Variants in CNTN5 observed in about 807,000 individuals in gnomAD.
CNTN5 encodes contactin-5.
A neutral mutation model predicts 129.1 loss-of-function variants in CNTN5; 77 were observed. The observed-to-expected ratio is 0.60, with a 90% CI of 0.50 to 0.72. The LOEUF (loss-of-function observed/expected upper bound fraction) is 0.72, where lower values mean the gene tolerates loss of function less well. Among genes scored for constraint, CNTN5 ranks in the 30% least tolerant of loss-of-function variants. The pLI is 0.00. For missense variants in CNTN5, 1,478 were observed against 1,328.8 expected, an observed-to-expected ratio of 1.11 and a Z score of -1.75; for synonymous variants, 509 against 465.6, an observed-to-expected ratio of 1.09 and a Z score of -1.20.
chr11:99,140,395 T>C (rs1859452172), intron 1 of CNTN5, among the ~76,000 whole-genome samples: 1 of 152,138 alleles, frequency 6.6e-6, no homozygotes, highest in African/African-American at 2.4e-5. Flanking sequence ...TGTGGTTCTC[T>C]AGGTACAGAA....
chr11:99,737,561 T>C (rs1385312828), intron 3 of CNTN5, among the ~76,000 whole-genome samples: 1 of 152,186 alleles, frequency 6.6e-6, no homozygotes, highest in Non-Finnish European at 1.5e-5. Context: ...AGTTTATTAG[T>C]TCTGAAACAT....
intron 2 of CNTN5, among the ~76,000 whole-genome samples, chr11:99,363,496 G>T (rs982669201): frequency 5.9e-5 from 9 of 152,086 alleles, no homozygotes; most frequent in Non-Finnish European, 1.3e-4. Context: ...GGGTCTGTGA[G>T]ATTTTCAAGC....
chr11:99,642,041 C>T (rs1392978339), intron 3 of CNTN5, among the ~76,000 whole-genome samples: 2 of 152,146 alleles, frequency 1.3e-5, no homozygotes, highest in Admixed American at 6.5e-5. Context: ...CACATTAGAT[C>T]TTCAAGCATC....
chr11:100,120,922 AT>A lies in CNTN5; in HGVS notation c.1580+46636del, dbSNP rs537268424. Among the ~76,000 whole-genome samples, 417 of 151,868 alleles carry A rather than the reference AT, an allele frequency of 2.7e-3. 4 individuals carry two copies. The highest frequency in any genetic ancestry group is 9.7e-3 in the African/African-American group (404 of 41,444). Reference sequence around the variant, plus strand: ...GTAATTCGATAGACTATCATTCAGCATTTTTTTTCAACAAACATTTTATTTT... The same window carrying A: ...GTAATTCGATAGACTATCATTCAGCATTTTTTTCAACAAACATTTTATTTT... On this transcript the variant is annotated intron_variant, in intron 13 of 24. Coordinates refer to ENST00000524871, the MANE Select transcript of CNTN5 (RefSeq NM_014361.4).
At chr11:99,511,236 T>C (rs1946824350) in intron 2 of CNTN5, among the ~76,000 whole-genome samples, 1 of 152,172 alleles carries the variant, frequency 6.6e-6, no homozygotes, top group Non-Finnish European at 1.5e-5. Context: ...GATTCTGGTA[T>C]GTGGTGTCTT....
intron 3 of CNTN5, among the ~76,000 whole-genome samples, chr11:99,683,881 C>T (rs920607962): frequency 2.9e-5 from 4 of 139,674 alleles, no homozygotes; most frequent in African/African-American, 9.9e-5. Flanking sequence ...CATGTTTATA[C>T]ACACACTGTG....
rs564944934 is a variant in CNTN5, at chr11:99,616,605, C to T, written c.55+60336C>T. 2.3e-5 allele frequency among the ~76,000 whole-genome samples: 3 copies of T among 131,736 alleles called. No individual in the cohort carries two copies. In the East Asian group the frequency reaches 7.2e-4, roughly 32 times the overall value. The allele number at this position is 131,736 out of a possible 152,430, so 86.4% of individuals were successfully genotyped here. ...ATGTGGATAATAGGCTATTATATAG[C>T]AGTTTATATAGCAGTATAAGAGTTA... On this transcript the variant is annotated intron_variant, in intron 3 of 24. Coordinates refer to ENST00000524871, the MANE Select transcript of CNTN5 (RefSeq NM_014361.4).
intron 3 of CNTN5, among the ~76,000 whole-genome samples, chr11:99,718,791 T>TACC (rs1168236309): frequency 6.6e-6 from 1 of 152,080 alleles, no homozygotes; most frequent in Non-Finnish European, 1.5e-5. Context: ...AACTCTAAAA[T>TACC]ACCACAGCTA....
In CNTN5 at chr11:99,801,239, A is replaced by C. The variant is rs1316935171; in HGVS notation, c.56-18305A>C. ...TTCTTAGTTACAATTTTTATTCTTT[A>C]AGAATGCTGAAAATAGGCCTCCAGT... is the stretch of plus-strand genomic sequence containing the variant. On this transcript the variant is annotated intron_variant, in intron 3 of 24. Transcript: ENST00000524871. 2.0e-5 allele frequency among the ~76,000 whole-genome samples: 3 copies of C among 152,276 alleles called. No homozygotes were observed. In the East Asian group the frequency reaches 5.8e-4, roughly 29 times the overall value.
intron 1 of CNTN5, among the ~76,000 whole-genome samples, chr11:99,068,233 A>T (rs1333944443): frequency 2.0e-5 from 3 of 152,216 alleles, no homozygotes; most frequent in Non-Finnish European, 4.4e-5. Context: ...GGACTAAGCT[A>T]CAAATCTCCT....
At chr11:99,705,750 A>C (rs1338830179) in intron 3 of CNTN5, among the ~76,000 whole-genome samples, 2 of 151,466 alleles carry the variant, frequency 1.3e-5, no homozygotes, top group Non-Finnish European at 3.0e-5. Context: ...AAAGAGGAGC[A>C]GGGGCGATGG....
chr11:100,010,182 A>C (rs1427373142), intron 9 of CNTN5, among the ~76,000 whole-genome samples: 2 of 152,124 alleles, frequency 1.3e-5, no homozygotes, highest in Non-Finnish European at 2.9e-5. Flanking sequence ...ATAATTAAAC[A>C]TTGGTGATGT....
At chr11:99,916,938 G>T (rs149891006) in intron 7 of CNTN5, among the ~76,000 whole-genome samples, 1 of 152,100 alleles carries the variant, frequency 6.6e-6, no homozygotes, top group East Asian at 1.9e-4. Flanking sequence ...GAAGGTCTTG[G>T]TATGTCAGTA....
At chr11:99,978,495 G>T (rs1938135107) in intron 8 of CNTN5, among the ~76,000 whole-genome samples, 1 of 152,148 alleles carries the variant, frequency 6.6e-6, no homozygotes, top group African/African-American at 2.4e-5. Context: ...TGTAGTAAAT[G>T]CCCTGTACAG....
At chr11:99,486,038 G>T (rs1945798918) in intron 2 of CNTN5, among the ~76,000 whole-genome samples, 2 of 151,856 alleles carry the variant, frequency 1.3e-5, no homozygotes, top group South Asian at 2.1e-4. Flanking sequence ...TACAATTTTT[G>T]CCTATTTTCT....
intron 3 of CNTN5, among the ~76,000 whole-genome samples, chr11:99,659,055 G>A (rs759759569): frequency 6.6e-6 from 1 of 151,968 alleles, no homozygotes; most frequent in Non-Finnish European, 1.5e-5. Context: ...ACTTGGAGAT[G>A]GGCACCTCAC....
chr11:100,206,710 G>A (rs1413781761), intron 15 of CNTN5, among the ~76,000 whole-genome samples: 1 of 151,996 alleles, frequency 6.6e-6, no homozygotes, highest in Non-Finnish European at 1.5e-5. Context: ...AAGAATAAAT[G>A]TACTTCGGGA....
At chr11:99,067,424 TAAA>T (rs11330416) in intron 1 of CNTN5, among the ~76,000 whole-genome samples, 22 of 135,580 alleles carry the variant, frequency 1.6e-4, no homozygotes, top group Non-Finnish European at 1.8e-4. Context: ...CAATGTTGAC[TAAA>T]AAAAAAAAAA....
chr11:99,598,235 T>C, intron 3 of CNTN5, among the ~76,000 whole-genome samples: 1 of 123,064 alleles, frequency 8.1e-6, no homozygotes, highest in African/African-American at 2.9e-5. Flanking sequence ...TCCTCCCTTC[T>C]TTCCTTCCTT....
Sources: allele counts gnomAD v4.1 joint callset (sites outside exome capture counted in the v4.1 genomes callset), GRCh38; gene constraint gnomAD v4.1.1; transcripts MANE v1.5; gene names NCBI Gene and HGNC (gene_info 2026-07-23, HGNC 2026-07-21).